Variants in CNOT1 observed in about 807,000 individuals in gnomAD.
CNOT1 encodes CCR4-NOT transcription complex subunit 1, also known as CCR4-associated factor 1.
CNOT1 carries 15 observed loss-of-function variants against 273.8 expected under a neutral mutation model. The observed-to-expected ratio is 0.05, with a 90% CI of 0.04 to 0.08. The LOEUF is 0.08. Among genes scored for constraint, CNOT1 ranks in the 10% least tolerant of loss-of-function variants. The pLI is 1.00. For synonymous variants in CNOT1, 1,022 were observed against 1,005.5 expected, an observed-to-expected ratio of 1.02 and a Z score of -0.31; for missense variants, 1,644 against 2,912.2, an observed-to-expected ratio of 0.56 and a Z score of 10.02.
chr16:58,606,603 G>T (rs1172716089), intron 1 of CNOT1, among the ~76,000 whole-genome samples: 1 of 152,056 alleles, frequency 6.6e-6, no homozygotes, highest in Non-Finnish European at 1.5e-5. Context: ...AGGAGTTCAA[G>T]GTCAGCCTGG....
intron 2 of CNOT1, among the ~76,000 whole-genome samples, chr16:58,595,769 C>T (rs569458919): frequency 6.6e-6 from 1 of 152,248 alleles, no homozygotes; most frequent in Admixed American, 6.5e-5. Context: ...TCCTGCCTCT[C>T]TAACCCATCA....
chr16:58,523,201 C>T (rs1567382938), intron 47 of CNOT1, 169 bp downstream of exon 47: 4 of 505,446 alleles, frequency 7.9e-6, no homozygotes, highest in Non-Finnish European at 1.3e-5. Flanking sequence ...GCCAAGATGG[C>T]GCCACTGTAC....
At chr16:58,611,400 G>A (rs2152034237) in intron 1 of CNOT1, among the ~76,000 whole-genome samples, 1 of 152,116 alleles carries the variant, frequency 6.6e-6, no homozygotes, top group Non-Finnish European at 1.5e-5. Flanking sequence ...CTGTACTCCA[G>A]TCTGAGCGAC....
At chr16:58,549,596 C>G (rs1734286490) in intron 25 of CNOT1, 123 bp downstream of exon 25, 1 of 1,393,516 alleles carries the variant, frequency 7.2e-7, no homozygotes, top group African/African-American at 1.5e-5. Flanking sequence ...AAATCTACAG[C>G]AATTTCCAGA....
At chr16:58,580,553 T>C (rs2041622276) in intron 12 of CNOT1, 80 bp downstream of exon 12, 2 of 1,516,916 alleles carry the variant, frequency 1.3e-6, no homozygotes, top group African/African-American at 1.4e-5. Context: ...CTGTTAACTA[T>C]GTACTTGGCT....
intron 1 of CNOT1, among the ~76,000 whole-genome samples, chr16:58,600,847 C>A (rs4496133): frequency 0.75 from 114,487 of 152,172 alleles, 43,486 homozygotes; most frequent in Middle Eastern, 0.86. Context: ...GTGTTGTAAT[C>A]CCAACACTTT....
At chr16:58,555,121 T>G (rs575765907) in intron 21 of CNOT1, 130 bp downstream of exon 21, 1 of 1,318,058 alleles carries the variant, frequency 7.6e-7, no homozygotes, top group African/African-American at 1.5e-5. Flanking sequence ...AGTGGGAGAA[T>G]CACTTGAGCC....
At chr16:58,615,762 G>C (rs1243672596) in intron 1 of CNOT1, among the ~76,000 whole-genome samples, 1 of 124,826 alleles carries the variant, frequency 8.0e-6, no homozygotes, top group African/African-American at 2.7e-5. Flanking sequence ...CCATGAACAT[G>C]TAAGGAAAAG....
At chr16:58,614,735 G>A (rs2152038722) in intron 1 of CNOT1, among the ~76,000 whole-genome samples, 1 of 124,132 alleles carries the variant, frequency 8.1e-6, no homozygotes, top group East Asian at 2.0e-4. Context: ...TTTGAGACGG[G>A]GTCTCACTCT....
intron 1 of CNOT1, among the ~76,000 whole-genome samples, chr16:58,603,999 G>C (rs1461799141): frequency 1.3e-5 from 2 of 152,064 alleles, no homozygotes; most frequent in Non-Finnish European, 2.9e-5. Context: ...CTAAATATTT[G>C]CTCAATGAAT....
intron 1 of CNOT1, among the ~76,000 whole-genome samples, chr16:58,619,431 TC>T (rs1185921652): frequency 2.0e-5 from 3 of 151,500 alleles, no homozygotes; most frequent in African/African-American, 7.3e-5. Context: ...GCATTTTCTT[TC>T]TTTTTTTTTT....
At chr16:58,564,830 G>T (rs2040983126) in intron 16 of CNOT1, among the ~76,000 whole-genome samples, 1 of 152,074 alleles carries the variant, frequency 6.6e-6, no homozygotes, top group Non-Finnish European at 1.5e-5. Context: ...CAACTACTCG[G>T]GAGGCTGAGG....
chr16:58,523,269 A>G, intron 47 of CNOT1, 101 bp downstream of exon 47: 3 of 1,318,002 alleles, frequency 2.3e-6, no homozygotes, highest in Non-Finnish European at 3.1e-6. Flanking sequence ...AAAACCAACC[A>G]AACGGATTTT....
intron 22 of CNOT1, among the ~76,000 whole-genome samples, chr16:58,553,037 C>T (rs1256001828): frequency 6.6e-6 from 1 of 152,134 alleles, no homozygotes; most frequent in Non-Finnish European, 1.5e-5. Flanking sequence ...CTTTGCAGGG[C>T]GGAGGTGGGC....
chr16:58,543,271 TC>T (rs1326155332), intron 31 of CNOT1: 2 of 1,545,294 alleles, frequency 1.3e-6, no homozygotes, highest in Admixed American at 2.0e-5. Context: ...GTATCGGCCT[TC>T]TCAAACAGCT....
Position 58,583,137 on chromosome 16 carries a change from C to T in CNOT1, c.852G>A (p.Glu284=). 6.2e-7 allele frequency: 1 copy of T among 1,613,942 alleles called. No individual in the cohort carries two copies. The highest frequency in any genetic ancestry group is 8.5e-7 in the Non-Finnish European group (1 of 1,180,018). ...CCCTTGCAACCTGGGCAGCTGTGAC[C>T]TCCCGAACACCAAACTGCACGATTA... The part of the protein sequence containing the change: ...RNIIVQFGVR[E]VTAAQVARVL... Residue 284 remains glutamate, a synonymous_variant, in exon 9 of 49, where the codon GAG becomes GAA. Transcript: ENST00000317147.
chr16:58,595,438 A>G (rs2042220898), intron 2 of CNOT1, among the ~76,000 whole-genome samples: 1 of 151,304 alleles, frequency 6.6e-6, no homozygotes, highest in African/African-American at 2.4e-5. Flanking sequence ...AAAAAAAAAA[A>G]AAACTCCATC....
intron 46 of CNOT1, among the ~76,000 whole-genome samples, chr16:58,524,365 T>C (rs1306765502): frequency 1.3e-5 from 2 of 151,764 alleles, no homozygotes; most frequent in African/African-American, 4.8e-5. Context: ...ATAAGTATTA[T>C]CTTAATTGGG....
chr16:58,555,501 T>C lies in CNOT1; in HGVS notation c.2641A>G (p.Ile881Val), dbSNP rs2040599802. The C allele has an allele frequency of 4.3e-6, 7 of 1,613,956 alleles. No homozygotes were observed. The highest frequency in any genetic ancestry group is 5.9e-6 in the Non-Finnish European group (7 of 1,180,044). ...TTAAATACTTCTCGTTCCCTCTTTA[T>C]AGTAGAGTCTTTAAATCTCTGCAGC... Reference protein sequence around the residue: ...EMLQRFKDSTIKREREVFNCM... With the variant: ...EMLQRFKDSTVKREREVFNCM... The change falls in exon 21 of 49, where the codon ATA becomes GTA. Residue 881 changes from isoleucine (I) to valine (V), a missense_variant. Physicochemically the swap from Ile to Val is conservative, Grantham distance 29. Transcript: ENST00000317147.
Sources: allele counts gnomAD v4.1 joint callset (sites outside exome capture counted in the v4.1 genomes callset), GRCh38; gene constraint gnomAD v4.1.1; transcripts MANE v1.5; gene names NCBI Gene and HGNC (gene_info 2026-07-23, HGNC 2026-07-21).